NUDT13: variants seen among roughly 807,000 people sequenced by gnomAD.
NUDT13 encodes NAD(P)H pyrophosphatase NUDT13, mitochondrial.
In NUDT13, 40 loss-of-function variants were observed where a neutral mutation model predicts 41.7. The observed-to-expected ratio is 0.96, with a 90% CI of 0.75 to 1.25. The LOEUF (loss-of-function observed/expected upper bound fraction) is 1.25, where lower values mean the gene tolerates loss of function less well. Among genes scored for constraint, NUDT13 ranks in the 50% most tolerant of loss-of-function variants. The pLI, the probability that NUDT13 is intolerant of heterozygous loss-of-function variation, is 0.00. For missense variants in NUDT13, 390 were observed against 416.1 expected (o/e 0.94, Z 0.55); for synonymous variants, 145 against 155.5 (o/e 0.93, Z 0.50).
chr10:73,126,733 A>T lies in NUDT13; in HGVS notation c.764A>T (p.Glu255Val), dbSNP rs760266521. 6.2e-7 allele frequency: 1 copy of T among 1,614,104 alleles called. No individual in the cohort carries two copies. Among genetic ancestry groups the T allele is most frequent in the Admixed American group, 1.7e-5 (1 of 60,024 alleles). ...EVAEEVGLEV[E>V]SLQYYASQHW... The stretch of plus-strand genomic sequence containing the variant: ...GCAGAAGAGGTGGGATTGGAGGTGG[A>T]AAGCCTGCAGTACTATGCATCCCAG... The change falls in exon 8 of 9, where the codon GAA (glutamate) becomes GTA (valine). Residue 255 changes from glutamate (E) to valine (V), a missense_variant. Physicochemically the swap from Glu to Val is moderately radical, Grantham distance 121 (BLOSUM62 -2). Transcript: ENST00000357321.
chr10:73,122,022 A>T (rs568175382), intron 3 of NUDT13, among the ~76,000 whole-genome samples, 153 bp from the exon 4 acceptor site: 1 of 152,298 alleles, frequency 6.6e-6, no homozygotes, highest in African/African-American at 2.4e-5. Context: ...AAATGGTTAG[A>T]CCAAGGTTAC....
Position 73,129,235 on chromosome 10 carries a change from C to A in NUDT13, c.859-1468C>A, listed in dbSNP as rs772969447. Among the ~76,000 whole-genome samples the A allele has an allele frequency of 4.3e-4, 62 of 143,892 alleles. 1 individual carries two copies. Among genetic ancestry groups the A allele is most frequent in the Admixed American group, 8.5e-4 (12 of 14,144 alleles). The allele number at this position is 143,892 out of a possible 152,430, so 94.4% of individuals were successfully genotyped here. A position where few individuals can be genotyped will look rare whatever the true frequency, so the allele number is the denominator to read the frequency against. On this transcript the variant is annotated intron_variant, in intron 8 of 8. Coordinates refer to ENST00000357321, the MANE Select transcript of NUDT13 (RefSeq NM_015901.6). ...TCGCCCAGGCTGGAGTGCAGTGGCACAATCTCAGCTCACTGCAACCTTCGC... is the reference window on the plus strand; with the variant it reads ...TCGCCCAGGCTGGAGTGCAGTGGCAAAATCTCAGCTCACTGCAACCTTCGC...
intron 4 of NUDT13, among the ~76,000 whole-genome samples, chr10:73,123,383 G>A (rs1178561174): frequency 2.0e-5 from 3 of 152,064 alleles, no homozygotes; most frequent in African/African-American, 7.2e-5. Flanking sequence ...TGTCTTTAAT[G>A]GTCTAGGTGT....
chr10:73,126,794 T>C lies in NUDT13; in HGVS notation c.825T>C (p.Ala275=), dbSNP rs753856695. ...TCCCTAGTGGCTCACTCATGATTGC[T>C]TGCCATGCAACTGTGAAACCAGGGC... ...WPFPSGSLMI[A]CHATVKPGQT... is the part of the protein sequence containing the mutation. The change falls in exon 8 of 9, where the codon GCT becomes GCC. Residue 275 remains alanine, a synonymous_variant. Transcript: ENST00000357321. 1.1e-5 allele frequency: 18 copies of C among 1,614,076 alleles called. No homozygotes were observed. The highest frequency in any genetic ancestry group is 1.4e-5 in the Non-Finnish European group (16 of 1,180,022).
Position 73,122,199 on chromosome 10 carries a change from T to G in NUDT13, c.248T>G (p.Phe83Cys). 1 of 1,613,392 alleles carries G rather than the reference T, an allele frequency of 6.2e-7. No individual in the cohort carries two copies. The highest frequency in any genetic ancestry group is 1.3e-5 in the African/African-American group (1 of 75,022). Residue 83 changes from phenylalanine to cysteine, a missense_variant, in exon 4 of 9, where the codon TTT becomes TGT. Transcript: ENST00000357321. ...GAGTTGGAAAGGCTCCTGGGTAAAT[T>G]TGGACAGGATGCACAAAGAATAGAA... ...LLELERLLGK[F>C]GQDAQRIEDS...
intron 2 of NUDT13, among the ~76,000 whole-genome samples, chr10:73,118,203 A>G (rs1842561459): frequency 6.6e-6 from 1 of 152,256 alleles, no homozygotes. Flanking sequence ...ACAGTGACTC[A>G]TAAGTTTAAA....
intron 7 of NUDT13, 151 bp downstream of exon 7, chr10:73,125,660 T>C: frequency 7.7e-6 from 1 of 130,596 alleles, no homozygotes; most frequent in Non-Finnish European, 1.4e-5. Flanking sequence ...TTTATATATA[T>C]ATATATATAT....
At chr10:73,111,656 T>C (rs2133196396) in intron 1 of NUDT13, among the ~76,000 whole-genome samples, 1 of 152,350 alleles carries the variant, frequency 6.6e-6, no homozygotes, top group East Asian at 1.9e-4. Flanking sequence ...AAAACATAAA[T>C]AGCTCTGTGA....
intron 8 of NUDT13, 106 bp downstream of exon 8, chr10:73,126,933 T>A: frequency 1.0e-6 from 1 of 969,086 alleles, no homozygotes. Context: ...TCATCTAGAT[T>A]ACATAAACAT....
intron 4 of NUDT13, 32 bp from the exon 5 acceptor site, chr10:73,124,182 G>GTT (rs775120050): frequency 2.0e-6 from 3 of 1,483,776 alleles, no homozygotes; most frequent in Non-Finnish European, 2.8e-6. Flanking sequence ...GTTTGTCATT[G>GTT]TTTAATTTCA....
chr10:73,120,704 CGAG>C (rs1372929095), intron 3 of NUDT13, among the ~76,000 whole-genome samples: 1 of 150,798 alleles, frequency 6.6e-6, no homozygotes, highest in Non-Finnish European at 1.5e-5. Context: ...TTTGGGAGGC[CGAG>C]GAGGGCAGAT....
Position 73,130,992 on chromosome 10 carries a change from C to A in NUDT13, c.*89C>A. On this transcript the variant is annotated 3_prime_UTR_variant, in exon 9 of 9. Transcript: ENST00000357321. ...CAAAGGAGAAGTGACAAAAGATAAG[C>A]TGCAGAAGGACCTCAGAAGGGCAGA... 1.7e-6 allele frequency: 2 copies of A among 1,149,866 alleles called. No individual in the cohort carries two copies. Among genetic ancestry groups the A allele is most frequent in the Non-Finnish European group, 2.6e-6 (2 of 779,634 alleles). 71.2% of individuals were successfully genotyped at this position (1,149,866 alleles called of 1,614,324 possible). A position where few individuals can be genotyped will look rare whatever the true frequency, so the allele number is the denominator to read the frequency against.
rs185334342 is a variant in NUDT13, at chr10:73,116,830, T to C, written c.83+2382T>C. On this transcript the variant is annotated intron_variant, in intron 2 of 8. Transcript: ENST00000357321. ...AAAATTGTGATACTTGTTTCAGATA[T>C]TGTTGGACATTTAGATTGCGTGTAC... Among the ~76,000 whole-genome samples the C allele has an allele frequency of 4.3e-3, 653 of 151,998 alleles. 2 individuals carry two copies. The highest frequency in any genetic ancestry group is 8.0e-3 in the Non-Finnish European group (541 of 67,986).
chr10:73,114,416 T>G lies in NUDT13; in HGVS notation c.51T>G (p.Tyr17Ter), dbSNP rs1564647663. The G allele has an allele frequency of 6.3e-7, 1 of 1,595,188 alleles. No homozygotes were observed. Among genetic ancestry groups the G allele is most frequent in the African/African-American group, 1.3e-5 (1 of 74,640 alleles). ...IACRRKFFWCYRLLSTYVTKT... is the reference protein window; with the variant it reads ...IACRRKFFWC The stretch of plus-strand genomic sequence containing the variant: ...GCAGGAGAAAATTTTTTTGGTGCTA[T>G]AGGCTGCTGTCAACCTATGTTACTA... The change falls in exon 2 of 9, where the codon TAT becomes TAG. Residue 17 changes from tyrosine to a stop codon, truncating the protein, a stop_gained. Coordinates refer to ENST00000357321, the MANE Select transcript of NUDT13 (RefSeq NM_015901.6). LOFTEE classifies it high-confidence loss of function.
chr10:73,115,453 CG>C (rs1463169440), intron 2 of NUDT13, among the ~76,000 whole-genome samples: 2 of 143,724 alleles, frequency 1.4e-5, no homozygotes, highest in Non-Finnish European at 3.0e-5. Flanking sequence ...GGATTACAGG[CG>C]TAAGTCACCA....
rs1450962190 is a variant in NUDT13 at position 73,120,037 on chromosome 10, G to T, written c.103G>T (p.Glu35Ter). The T allele has an allele frequency of 5.6e-6, 9 of 1,614,042 alleles. No individual in the cohort carries two copies. The highest frequency in any genetic ancestry group is 4.0e-5 in the African/African-American group (3 of 74,928). ...ATACAGGTATTTATTTGAACTGAAG[G>T]AAGATGATGATGCATGTAAAAAAGC... ...TKTRYLFELKEDDDACKKAQQ... is the reference protein window; with the variant it reads ...TKTRYLFELK The change falls in exon 3 of 9, where the codon GAA becomes TAA. Residue 35 changes from glutamate (E) to a stop codon, truncating the protein, a stop_gained. Transcript: ENST00000357321. LOFTEE classifies it high-confidence loss of function.
At chr10:73,117,982 TCCAGTTCCAGTGAGGC>T (rs562551637) in intron 2 of NUDT13, among the ~76,000 whole-genome samples, 4 of 152,338 alleles carry the variant, frequency 2.6e-5, no homozygotes, top group South Asian at 4.1e-4. Flanking sequence ...GGATCTCAAT[TCCAGTTCCAGTGAGGC>T]CCTGGGTCTA....
Position 73,131,002 on chromosome 10 carries a change from AC to A in NUDT13, c.*101del. ...GTGACAAAAGATAAGCTGCAGAAGGACCTCAGAAGGGCAGAGCAAAGGGTGA... is the reference window on the plus strand; with the variant it reads ...GTGACAAAAGATAAGCTGCAGAAGGACTCAGAAGGGCAGAGCAAAGGGTGA... On this transcript the variant is annotated 3_prime_UTR_variant, in exon 9 of 9. Transcript: ENST00000357321. 1 of 1,013,912 alleles carries A rather than the reference AC, an allele frequency of 9.9e-7. No individual in the cohort carries two copies. Among genetic ancestry groups the A allele is most frequent in the Non-Finnish European group, 1.5e-6 (1 of 665,752 alleles). 62.8% of individuals were successfully genotyped at this position (1,013,912 alleles called of 1,614,324 possible). A position where few individuals can be genotyped will look rare whatever the true frequency, so the allele number is the denominator to read the frequency against.
At chr10:73,120,213 C>T in intron 3 of NUDT13, 56 bp downstream of exon 3, 1 of 1,550,690 alleles carries the variant, frequency 6.4e-7, no homozygotes, top group Non-Finnish European at 8.8e-7. Context: ...ACGCAGAATT[C>T]AGCCCATAAT....
Sources: gnomAD v4.1 joint callset for allele counts (sites outside exome capture counted in the v4.1 genomes callset) on GRCh38, gnomAD v4.1.1 for gene constraint, MANE v1.5 for transcripts, NCBI Gene and HGNC (gene_info 2026-07-23, HGNC 2026-07-21) for gene names.